The following CAMKK2 variants were observed in gnomAD, a reference collection of about 807,000 sequenced individuals.
The protein encoded by CAMKK2 is calcium/calmodulin-dependent protein kinase kinase 2.
In CAMKK2, 30 loss-of-function variants were observed where a neutral mutation model predicts 67.2. The ratio of observed to expected loss-of-function variants is 0.45; its 90% CI spans 0.33 to 0.61. The LOEUF (loss-of-function observed/expected upper bound fraction) is 0.61, where lower values mean the gene tolerates loss of function less well. Ranked by LOEUF, CAMKK2 falls within the 20% of genes least tolerant of loss-of-function variation. The pLI, the probability that CAMKK2 is intolerant of heterozygous loss-of-function variation, is 0.02. For missense variants in CAMKK2, 643 were observed against 802.0 expected, an observed-to-expected ratio of 0.80 and a Z score of 2.39; for synonymous variants, 322 against 326.2, an observed-to-expected ratio of 0.99 and a Z score of 0.14.
chr12:121,268,645 G>A lies in CAMKK2; in HGVS notation c.618C>T (p.Gly206=). The A allele has an allele frequency of 6.2e-7, 1 of 1,614,110 alleles. No homozygotes were observed. Among genetic ancestry groups the A allele is most frequent in the Non-Finnish European group, 8.5e-7 (1 of 1,179,964 alleles). The change falls in exon 5 of 17, where the codon GGC becomes GGT. Residue 206 remains glycine, a synonymous_variant. Coordinates refer to ENST00000404169, the MANE Select transcript of CAMKK2 (RefSeq NM_001270485.2). ...LSKKKLIRQA[G]FPRRPPPRGT... Reference sequence around the variant, plus strand: ...AAGGCCCGCCAAACTCACGTGGAAAGCCGGCCTGCCGGATCAGCTTCTTTT... The same window carrying A: ...AAGGCCCGCCAAACTCACGTGGAAAACCGGCCTGCCGGATCAGCTTCTTTT...
rs1450965802 is a variant in CAMKK2 at position 121,253,480 on chromosome 12, G to C, written c.908-8C>G. ...TGATCTTCTGGTAGTGTACTGGGGA[G>C]GCGTAGACAGCAGGTGGGAGATAGG... is the stretch of plus-strand genomic sequence containing the variant. On this transcript the variant is annotated splice_polypyrimidine_tract_variant and splice_region_variant and intron_variant, in intron 9 of 16. Coordinates refer to ENST00000404169, the MANE Select transcript of CAMKK2 (RefSeq NM_001270485.2). The surrounding 1 kb of genome is among the most constrained non-coding windows in gnomAD (Gnocchi z 5.0). 2.5e-6 allele frequency: 4 copies of C among 1,613,580 alleles called. No individual in the cohort carries two copies. Among genetic ancestry groups the C allele is most frequent in the Non-Finnish European group, 3.4e-6 (4 of 1,179,646 alleles).
chr12:121,249,760 A>C (rs1187566164), intron 13 of CAMKK2, 27 bp downstream of exon 13: 2 of 1,601,044 alleles, frequency 1.2e-6, no homozygotes, highest in South Asian at 2.2e-5. Flanking sequence ...AATTCCGAGC[A>C]CGGGGCACAG....
rs1311912213 is a variant in CAMKK2 at position 121,245,728 on chromosome 12, C to T, written c.1453-488G>A. On this transcript the variant is annotated intron_variant, in intron 14 of 16. Coordinates refer to ENST00000404169, the MANE Select transcript of CAMKK2 (RefSeq NM_001270485.2). The surrounding 1 kb of genome is among the most constrained non-coding windows in gnomAD (Gnocchi z 5.8). ...GAGTCACTGGGCCCCTCACCCCACC[C>T]CAACCAGGGCACGGTGCCCCTTCAA... is the stretch of plus-strand genomic sequence containing the variant. 6.6e-6 allele frequency among the ~76,000 whole-genome samples: 1 copy of T among 152,254 alleles called. No homozygotes were observed. The highest frequency in any genetic ancestry group is 1.5e-5 in the Non-Finnish European group (1 of 68,046).
Position 121,273,727 on chromosome 12 carries a change from G to T in CAMKK2, c.471+329C>A, listed in dbSNP as rs185654579. Among the ~76,000 whole-genome samples, 433 of 152,090 alleles carry T rather than the reference G, an allele frequency of 2.8e-3. 1 individual carries two copies. The highest frequency in any genetic ancestry group is 9.7e-3 in the African/African-American group (402 of 41,460). On this transcript the variant is annotated intron_variant, in intron 2 of 16. Transcript: ENST00000404169. ...TGAGTATAAATACCCCAGCTCCCTT[G>T]CCCCTGGTGGGATGACTGAGGCTGC...
Position 121,249,968 on chromosome 12 carries a change from G to A in CAMKK2, c.1228C>T (p.Pro410Ser). The A allele has an allele frequency of 6.2e-7, 1 of 1,614,108 alleles. No homozygotes were observed. Among genetic ancestry groups the A allele is most frequent in the Non-Finnish European group, 8.5e-7 (1 of 1,179,978 alleles). ...SKIKSQALEF[P>S]DQPDIAEDLK... is the part of the protein sequence containing the mutation. ...ACGGCGGGAGATACTCACTGGTCTG[G>A]AAATTCCAGGGCCTGACTCTTGATC... is the stretch of plus-strand genomic sequence containing the variant. Residue 410 changes from proline (P) to serine (S), a missense_variant, in exon 12 of 17, where the codon CCA becomes TCA. Physicochemically the swap from Pro to Ser is moderately conservative, Grantham distance 74. Around this residue, in one of 3 missense-constraint regions of CAMKK2, gnomAD observed 483 missense variants for 625.8 expected, o/e 0.77. Coordinates refer to ENST00000404169, the MANE Select transcript of CAMKK2 (RefSeq NM_001270485.2).
Position 121,280,617 on chromosome 12 carries a change from C to T in CAMKK2, c.-59-6032G>A, listed in dbSNP as rs542883340. On this transcript the variant is annotated intron_variant, in intron 1 of 16. Transcript: ENST00000404169. ...CTGAATTCTTTTTCTCAGCATGGAACGTCCCTGAGAAAGAGAATGCGTACC... is the reference window on the plus strand; with the variant it reads ...CTGAATTCTTTTTCTCAGCATGGAATGTCCCTGAGAAAGAGAATGCGTACC... Among the ~76,000 whole-genome samples, 378 of 152,242 alleles carry T rather than the reference C, an allele frequency of 2.5e-3. 1 individual carries two copies. Among genetic ancestry groups the T allele is most frequent in the African/African-American group, 8.8e-3 (365 of 41,540 alleles).
At chr12:121,242,874 C>G (rs1021965564) in intron 16 of CAMKK2, among the ~76,000 whole-genome samples, 1 of 152,104 alleles carries the variant, frequency 6.6e-6, no homozygotes, top group African/African-American at 2.4e-5. Flanking sequence ...TCCCGAGTAG[C>G]TGGGACTACA....
intron 11 of CAMKK2, among the ~76,000 whole-genome samples, chr12:121,251,175 C>T (rs1890634015): frequency 6.6e-6 from 1 of 152,212 alleles, no homozygotes; most frequent in South Asian, 2.1e-4. Flanking sequence ...TCTACCTAAT[C>T]ACTGCCTTCT....
chr12:121,259,965 C>A (rs1410892347), intron 7 of CAMKK2, among the ~76,000 whole-genome samples: 1 of 152,160 alleles, frequency 6.6e-6, no homozygotes, highest in East Asian at 1.9e-4. Context: ...TGCCTATAAT[C>A]CAGCTACTCA....
Position 121,253,345 on chromosome 12 carries a change from G to A in CAMKK2, c.1035C>T (p.Ser345=), listed in dbSNP as rs1891173124. Reference sequence around the variant, plus strand: ...TGAAGGCGGGCGTGCCCACGGTGTTGGAGAGGAGCGCGTCACTGCCCTTGA... The same window carrying A: ...TGAAGGCGGGCGTGCCCACGGTGTTAGAGAGGAGCGCGTCACTGCCCTTGA... ...NEFKGSDALL[S]NTVGTPAFMA... Residue 345 remains serine, a synonymous_variant, in exon 10 of 17, where the codon TCC becomes TCT. Coordinates refer to ENST00000404169, the MANE Select transcript of CAMKK2 (RefSeq NM_001270485.2). This position sits in a 1 kb window ranked among gnomAD's most constrained non-coding sequence, Gnocchi z 5.0. 1.2e-6 allele frequency: 2 copies of A among 1,614,070 alleles called. No homozygotes were observed. The highest frequency in any genetic ancestry group is 1.1e-5 in the South Asian group (1 of 91,082).
chr12:121,264,585 T>A (rs1164232740), intron 5 of CAMKK2, among the ~76,000 whole-genome samples: 3 of 151,992 alleles, frequency 2.0e-5, no homozygotes. Flanking sequence ...CCATCCTGAC[T>A]AACACAGTGA....
intron 9 of CAMKK2, among the ~76,000 whole-genome samples, 194 bp downstream of exon 9, chr12:121,255,342 TTATATATATAATTA>T (rs1891968075): frequency 8.1e-5 from 1 of 12,388 alleles, no homozygotes; most frequent in Non-Finnish European, 1.8e-4. Context: ...ATATATAATT[TTATATATATAATTA>T]TATATATAAT....
In CAMKK2 at chr12:121,274,238, G is replaced by A. The variant is rs200801054; in HGVS notation, c.289C>T (p.Arg97Cys). The change falls in exon 2 of 17, where the codon CGC becomes TGC. Residue 97 changes from arginine (R) to cysteine (C), a missense_variant. By Grantham distance (180) the Arg-to-Cys change is radical. Around this residue, in one of 3 missense-constraint regions of CAMKK2, gnomAD observed 483 missense variants for 625.8 expected, o/e 0.77. Coordinates refer to ENST00000404169, the MANE Select transcript of CAMKK2 (RefSeq NM_001270485.2). The part of the protein sequence containing the change: ...GSQARPHLSG[R>C]KLSLQERSQG... Reference sequence around the variant, plus strand: ...GACCGCTCTTGCAGAGACAGCTTGCGACCGGAGAGGTGGGGCCGGGCCTGG... The same window carrying A: ...GACCGCTCTTGCAGAGACAGCTTGCAACCGGAGAGGTGGGGCCGGGCCTGG... 72 of 1,609,806 alleles carry A rather than the reference G, an allele frequency of 4.5e-5. No homozygotes were observed. Among genetic ancestry groups the A allele is most frequent in the South Asian group, 1.9e-4 (17 of 90,854 alleles).
At chr12:121,270,711 A>G (rs914412240) in intron 3 of CAMKK2, among the ~76,000 whole-genome samples, 187 bp downstream of exon 3, 2 of 152,166 alleles carry the variant, frequency 1.3e-5, no homozygotes, top group Non-Finnish European at 2.9e-5. Context: ...CTGCAGAAAC[A>G]TATTTAATTT....
At chr12:121,244,685 C>T in intron 15 of CAMKK2, 70 bp from the exon 16 acceptor site, 1 of 1,313,226 alleles carries the variant, frequency 7.6e-7, no homozygotes, top group Non-Finnish European at 1.1e-6. Context: ...TGCCCGTTCC[C>T]CCACCCTGAG....
chr12:121,280,386 C>T (rs1783564028), intron 1 of CAMKK2, among the ~76,000 whole-genome samples: 1 of 152,164 alleles, frequency 6.6e-6, no homozygotes, highest in African/African-American at 2.4e-5. Context: ...TATATCGTCT[C>T]AGGACCCTGT....
chr12:121,269,044 C>T (rs2668253), intron 4 of CAMKK2, among the ~76,000 whole-genome samples: 5 of 148,364 alleles, frequency 3.4e-5, no homozygotes, highest in East Asian at 1.9e-4. Context: ...GTTTTACACA[C>T]GGGGAAACTG....
At chr12:121,293,830 AC>A (rs1900600240) in intron 1 of CAMKK2, among the ~76,000 whole-genome samples, 1 of 151,850 alleles carries the variant, frequency 6.6e-6, no homozygotes, top group Non-Finnish European at 1.5e-5. Context: ...TTTCTCCAGA[AC>A]CCTCAGTGCC....
At chr12:121,248,571 G>C (rs1364791859) in intron 14 of CAMKK2, 35 bp downstream of exon 14, 2 of 1,613,478 alleles carry the variant, frequency 1.2e-6, no homozygotes, top group Non-Finnish European at 1.7e-6. Context: ...AGGCTCCTGG[G>C]TCCCTGCTCT....
Sources: gnomAD v4.1 joint callset for allele counts (sites outside exome capture counted in the v4.1 genomes callset) on GRCh38, gnomAD v4.1.1 for gene constraint, gnomAD v4.1.1 regional missense constraint, Gnocchi (gnomAD v3.1) non-coding constraint, MANE v1.5 for transcripts, NCBI Gene and HGNC (gene_info 2026-07-23, HGNC 2026-07-21) for gene names.